The following ITGA9 variants were observed in gnomAD, a reference collection of about 807,000 sequenced individuals.
The protein encoded by ITGA9 is integrin alpha-9.
Under a neutral mutation model 127.8 loss-of-function variants are expected in ITGA9, and 56 were observed. The ratio of observed to expected loss-of-function variants is 0.44; its 90% confidence interval spans 0.35 to 0.55. The LOEUF is 0.55. Ranked by LOEUF, ITGA9 falls within the 20% of genes least tolerant of loss-of-function variation. The pLI is 0.00. For missense variants in ITGA9, 1,196 were observed against 1,347.1 expected (o/e 0.89, Z 1.76); for synonymous variants, 508 against 514.5 (o/e 0.99, Z 0.17).
At chr3:37,813,374 T>C (rs1355556202) in intron 27 of ITGA9, among the ~76,000 whole-genome samples, 1 of 152,242 alleles carries the variant, frequency 6.6e-6, no homozygotes, top group Non-Finnish European at 1.5e-5. Flanking sequence ...TAGTTTAGTG[T>C]TTATCTTTAG....
rs941570414 is a variant in ITGA9, at chr3:37,533,428, C to T, written c.1488C>T (p.Thr496=). The change falls in exon 14 of 28, where the codon ACC becomes ACT. Residue 496 remains threonine (T), a synonymous_variant. Transcript: ENST00000264741. ...QQPVNCLNVT[T]CFSFHGKHVP... is the part of the protein sequence containing the mutation. The stretch of plus-strand genomic sequence containing the variant: ...CTGTGAACTGCCTGAACGTCACCAC[C>T]TGCTTCAGCTTCCATGGCAAACACG... The T allele has an allele frequency of 6.2e-7, 1 of 1,614,220 alleles. No homozygotes were observed. Among genetic ancestry groups the T allele is most frequent in the Non-Finnish European group, 8.5e-7 (1 of 1,180,040 alleles).
intron 4 of ITGA9, among the ~76,000 whole-genome samples, chr3:37,489,134 T>C (rs1698641061): frequency 6.6e-6 from 1 of 152,248 alleles, no homozygotes; most frequent in African/African-American, 2.4e-5. Context: ...GGTGTATCCA[T>C]ATTGTAGCAT....
At chr3:37,560,828 G>T (rs989317330) in intron 15 of ITGA9, among the ~76,000 whole-genome samples, 1 of 152,166 alleles carries the variant, frequency 6.6e-6, no homozygotes. Context: ...TGGTTTATAT[G>T]AACAGAAATG....
intron 20 of ITGA9, among the ~76,000 whole-genome samples, chr3:37,741,371 C>T (rs926833930): frequency 2.0e-5 from 3 of 151,826 alleles, no homozygotes; most frequent in African/African-American, 7.3e-5. Context: ...ACTGACTCTG[C>T]CTCACAGAGT....
chr3:37,735,078 G>A (rs949137933), intron 19 of ITGA9, among the ~76,000 whole-genome samples: 1 of 152,240 alleles, frequency 6.6e-6, no homozygotes. Context: ...AAGCCTCATG[G>A]CTATACTTTG....
At chr3:37,721,148 A>T (rs1440297540) in intron 18 of ITGA9, among the ~76,000 whole-genome samples, 1 of 134,138 alleles carries the variant, frequency 7.5e-6, no homozygotes. Flanking sequence ...TTAAGAAAAA[A>T]TCTCACTGTG....
chr3:37,512,768 C>T (rs779604937), intron 8 of ITGA9, among the ~76,000 whole-genome samples: 2 of 152,158 alleles, frequency 1.3e-5, no homozygotes, highest in African/African-American at 2.4e-5. Context: ...GTTGAAGCTG[C>T]TCCTTTAGCC....
intron 2 of ITGA9, among the ~76,000 whole-genome samples, chr3:37,473,136 C>CAAAAAAAAA (rs36109791): frequency 2.0e-3 from 142 of 70,670 alleles, no homozygotes; most frequent in Middle Eastern, 9.4e-3. Context: ...GAGACTGTCT[C>CAAAAAAAAA]AAAAAAAAAA....
At chr3:37,785,102 C>A (rs932489060) in intron 26 of ITGA9, 24 bp downstream of exon 26, 4 of 1,531,308 alleles carry the variant, frequency 2.6e-6, no homozygotes, top group Non-Finnish European at 1.8e-6. Flanking sequence ...CCCAGGACAG[C>A]CCTCCTCAGA....
chr3:37,819,172 CG>C lies in ITGA9; in HGVS notation c.*187del. On this transcript the variant is annotated 3_prime_UTR_variant, in exon 28 of 28. Transcript: ENST00000264741. ...AGCCACTTCGGCCAGGTCACACGAC[CG>C]GGGCCAGCACCACTTCCTTTAAAGA... 3.1e-6 allele frequency: 2 copies of C among 635,594 alleles called. No individual in the cohort carries two copies. Among genetic ancestry groups the C allele is most frequent in the South Asian group, 1.8e-5 (1 of 54,152 alleles). 39.4% of individuals were successfully genotyped at this position (635,594 alleles called of 1,614,324 possible). A position where few individuals can be genotyped will look rare whatever the true frequency, so the allele number is the denominator to read the frequency against.
intron 13 of ITGA9, 38 bp downstream of exon 13, chr3:37,526,109 T>G (rs375278729): frequency 6.3e-7 from 1 of 1,585,096 alleles, no homozygotes; most frequent in African/African-American, 1.3e-5. Context: ...ATTGTGCTGT[T>G]CAGGGTGAGG....
chr3:37,501,381 T>C (rs1354420911), intron 5 of ITGA9, among the ~76,000 whole-genome samples: 1 of 152,186 alleles, frequency 6.6e-6, no homozygotes, highest in African/African-American at 2.4e-5. Context: ...GATGACTTCC[T>C]TGTTAGTGTT....
intron 15 of ITGA9, among the ~76,000 whole-genome samples, chr3:37,545,023 G>A (rs776339340): frequency 6.6e-5 from 10 of 152,236 alleles, no homozygotes; most frequent in Non-Finnish European, 1.2e-4. Context: ...AGCAGGCACC[G>A]CCCCGGCTTA....
chr3:37,725,304 G>A (rs1032015909), intron 18 of ITGA9, among the ~76,000 whole-genome samples: 6 of 152,226 alleles, frequency 3.9e-5, no homozygotes, highest in Non-Finnish European at 8.8e-5. Context: ...AGCCAAGAGT[G>A]TATCATCAGG....
In ITGA9 at chr3:37,729,049, A is replaced by G. The variant is rs141806601; in HGVS notation, c.2068-3663A>G. The stretch of plus-strand genomic sequence containing the variant: ...ACGGAATGCTTTTGGGGAAGGTGTC[A>G]TAACCTCCCAGGCAAAGCGACTCCA... On this transcript the variant is annotated intron_variant, in intron 18 of 27. Coordinates refer to ENST00000264741, the MANE Select transcript of ITGA9 (RefSeq NM_002207.3). Among the ~76,000 whole-genome samples the G allele has an allele frequency of 7.8e-4, 118 of 152,024 alleles. 1 individual carries two copies. Among genetic ancestry groups the G allele is most frequent in the African/African-American group, 2.5e-3 (102 of 41,460 alleles).
At chr3:37,724,489 C>T (rs1701225493) in intron 18 of ITGA9, among the ~76,000 whole-genome samples, 1 of 152,148 alleles carries the variant, frequency 6.6e-6, no homozygotes, top group Non-Finnish European at 1.5e-5. Context: ...TCTTTGCTTA[C>T]TAAATGCTGT....
intron 9 of ITGA9, among the ~76,000 whole-genome samples, chr3:37,515,794 C>T (rs1017879384): frequency 2.0e-5 from 3 of 151,986 alleles, no homozygotes; most frequent in Non-Finnish European, 2.9e-5. Context: ...GAGGCTGAGG[C>T]GAGAGGATCC....
intron 15 of ITGA9, among the ~76,000 whole-genome samples, chr3:37,626,115 CT>C (rs1359861162): frequency 6.6e-6 from 1 of 152,180 alleles, no homozygotes; most frequent in Non-Finnish European, 1.5e-5. Context: ...CTTCAAGCCC[CT>C]ATTTCTTAAT....
In ITGA9 at chr3:37,710,454, AC is replaced by A. The variant is rs1383924699; in HGVS notation, c.2068-22255del. 4.6e-5 allele frequency among the ~76,000 whole-genome samples: 7 copies of A among 152,214 alleles called. No individual in the cohort carries two copies. In the South Asian group the frequency reaches 1.2e-3, roughly 27 times the overall value. On this transcript the variant is annotated intron_variant, in intron 18 of 27. Coordinates refer to ENST00000264741, the MANE Select transcript of ITGA9 (RefSeq NM_002207.3). ...AATAAAAGATAACGTCGGAGGATGA[AC>A]CCACGAGCGTGGTTTGTGTGGGAGG...
Sources: allele counts gnomAD v4.1 joint callset (sites outside exome capture counted in the v4.1 genomes callset), GRCh38; gene constraint gnomAD v4.1.1; transcripts MANE v1.5; gene names NCBI Gene and HGNC (gene_info 2026-07-23, HGNC 2026-07-21).